The following TGFBR2 variants were observed in gnomAD, a reference collection of about 807,000 sequenced individuals.
TGFBR2 encodes transforming growth factor beta receptor 2.
Under a neutral mutation model 49.0 loss-of-function variants are expected in TGFBR2, and 18 were observed. The observed-to-expected ratio is 0.37, with a 90% CI of 0.25 to 0.54. The LOEUF (loss-of-function observed/expected upper bound fraction) is 0.54, where lower values mean the gene tolerates loss of function less well. TGFBR2 is among the 20% of genes least tolerant of loss of function. TGFBR2 has a pLI of 0.85. For synonymous variants in TGFBR2, 282 were observed against 275.9 expected, an observed-to-expected ratio of 1.02 and a Z score of -0.22; for missense variants, 525 against 722.6, an observed-to-expected ratio of 0.73 and a Z score of 3.13.
At chr3:30,680,128 C>G (rs942261897) in intron 5 of TGFBR2, among the ~76,000 whole-genome samples, 1 of 140,760 alleles carries the variant, frequency 7.1e-6, no homozygotes, top group African/African-American at 2.6e-5. Flanking sequence ...CCATCCCCCC[C>G]GCCCCCCAAA....
At chr3:30,684,324 G>T (rs1391517798) in intron 5 of TGFBR2, among the ~76,000 whole-genome samples, 1 of 152,084 alleles carries the variant, frequency 6.6e-6, no homozygotes, top group East Asian at 1.9e-4. Context: ...GGTAAAGAAA[G>T]AAGAATTGCA....
At position 30,621,337 on chromosome 3, in the gene TGFBR2, A is replaced by C. The variant is rs186095021; in HGVS notation, c.94+14360A>C. ...TTCTTCTCACCCAGGCTGGAGTACA[A>C]TGGCACGACCTCAGCTCACTGCAAC... On this transcript the variant is annotated intron_variant, in intron 1 of 6. Transcript: ENST00000295754. Among the ~76,000 whole-genome samples, 118 of 145,298 alleles carry C rather than the reference A, an allele frequency of 8.1e-4. 2 individuals are homozygous for C. The East Asian group carries it at 0.017, about 21-fold the overall frequency.
At chr3:30,654,328 A>G (rs1698954154) in intron 3 of TGFBR2, among the ~76,000 whole-genome samples, 1 of 152,220 alleles carries the variant, frequency 6.6e-6, no homozygotes, top group Non-Finnish European at 1.5e-5. Context: ...GGTTTTTAGA[A>G]TGAAAGAGTT....
chr3:30,627,589 T>G (rs1387811611), intron 1 of TGFBR2, among the ~76,000 whole-genome samples: 1 of 151,906 alleles, frequency 6.6e-6, no homozygotes, highest in African/African-American at 2.4e-5. Flanking sequence ...CTCTCTAAGA[T>G]GGTCTTAGAT....
intron 1 of TGFBR2, among the ~76,000 whole-genome samples, chr3:30,629,061 G>A (rs1035046840): frequency 1.3e-5 from 2 of 152,058 alleles, no homozygotes; most frequent in Non-Finnish European, 2.9e-5. Context: ...TTCCCTCTGG[G>A]CCTTCGTTTT....
chr3:30,619,685 C>G (rs1333764203), intron 1 of TGFBR2, among the ~76,000 whole-genome samples: 1 of 152,174 alleles, frequency 6.6e-6, no homozygotes, highest in African/African-American at 2.4e-5. Context: ...CACCTCCCCC[C>G]AAGTTTTACC....
intron 1 of TGFBR2, among the ~76,000 whole-genome samples, chr3:30,622,350 G>T (rs1183863858): frequency 6.6e-6 from 1 of 152,132 alleles, no homozygotes; most frequent in African/African-American, 2.4e-5. Context: ...GATTGTGTTG[G>T]TTGATAGCAG....
intron 5 of TGFBR2, among the ~76,000 whole-genome samples, chr3:30,680,200 A>G (rs1335118164): frequency 1.4e-5 from 2 of 140,400 alleles, no homozygotes; most frequent in Non-Finnish European, 3.0e-5. Flanking sequence ...TACTCTGTGC[A>G]TCCTGGCAGT....
chr3:30,658,156 G>A (rs9844113), intron 3 of TGFBR2, among the ~76,000 whole-genome samples: 1 of 152,154 alleles, frequency 6.6e-6, no homozygotes, highest in African/African-American at 2.4e-5. Context: ...ACAAAAACAG[G>A]GCTCAGGCCA....
intron 5 of TGFBR2, among the ~76,000 whole-genome samples, chr3:30,681,247 T>C (rs1271107186): frequency 1.3e-5 from 2 of 150,164 alleles, no homozygotes; most frequent in South Asian, 2.1e-4. Flanking sequence ...AAAGGAGGCG[T>C]TGGAGAGACG....
At chr3:30,622,560 G>C (rs1575133443) in intron 1 of TGFBR2, among the ~76,000 whole-genome samples, 1 of 152,000 alleles carries the variant, frequency 6.6e-6, no homozygotes, top group Admixed American at 6.5e-5. Flanking sequence ...CATGAAAATA[G>C]TCATTTGCGT....
intron 2 of TGFBR2, 44 bp from the exon 3 acceptor site, chr3:30,650,226 C>A (rs771554322): frequency 6.3e-7 from 1 of 1,581,684 alleles, no homozygotes; most frequent in Non-Finnish European, 8.7e-7. Flanking sequence ...TTCTCTTTCT[C>A]TCTCTCCCTC....
intron 1 of TGFBR2, among the ~76,000 whole-genome samples, chr3:30,618,956 A>T (rs950074797): frequency 6.6e-6 from 1 of 152,192 alleles, no homozygotes; most frequent in Non-Finnish European, 1.5e-5. Flanking sequence ...TTCCAGAATT[A>T]TGGGTCCCTG....
At chr3:30,652,291 A>T (rs1162394274) in intron 3 of TGFBR2, among the ~76,000 whole-genome samples, 1 of 142,770 alleles carries the variant, frequency 7.0e-6, no homozygotes, top group Non-Finnish European at 1.5e-5. Flanking sequence ...CTGGAGTGCA[A>T]TGGCACGATC....
At chr3:30,644,436 G>C (rs1241006896) in intron 1 of TGFBR2, among the ~76,000 whole-genome samples, 1 of 152,046 alleles carries the variant, frequency 6.6e-6, no homozygotes, top group African/African-American at 2.4e-5. Flanking sequence ...CTATGCAGTG[G>C]GCCCATCTAG....
intron 1 of TGFBR2, among the ~76,000 whole-genome samples, chr3:30,631,155 C>G (rs1698429746): frequency 6.6e-6 from 1 of 151,544 alleles, no homozygotes; most frequent in Non-Finnish European, 1.5e-5. Flanking sequence ...ATTCTCCTGC[C>G]TCAGCCTCCT....
chr3:30,681,793 CAT>C (rs1699546343), intron 5 of TGFBR2, among the ~76,000 whole-genome samples: 1 of 152,146 alleles, frequency 6.6e-6, no homozygotes, highest in Non-Finnish European at 1.5e-5. Flanking sequence ...GCTGTGTAGG[CAT>C]ATGTCTTGGG....
intron 1 of TGFBR2, among the ~76,000 whole-genome samples, chr3:30,632,522 T>A (rs1312926584): frequency 1.3e-5 from 2 of 152,230 alleles, no homozygotes; most frequent in Non-Finnish European, 2.9e-5. Context: ...AATTATTATA[T>A]TTCAATTTGT....
At chr3:30,690,304 A>G (rs1699689259) in intron 6 of TGFBR2, among the ~76,000 whole-genome samples, 1 of 152,224 alleles carries the variant, frequency 6.6e-6, no homozygotes, top group African/African-American at 2.4e-5. Context: ...AATATTTGCA[A>G]TGCAAAATAA....
Sources: gnomAD v4.1 joint callset for allele counts (sites outside exome capture counted in the v4.1 genomes callset) on GRCh38, gnomAD v4.1.1 for gene constraint, MANE v1.5 for transcripts, NCBI Gene and HGNC (gene_info 2026-07-23, HGNC 2026-07-21) for gene names.